Variants in PPP3CB observed in about 807,000 individuals in gnomAD.
The protein encoded by PPP3CB is serine/threonine-protein phosphatase 2B catalytic subunit beta isoform.
In PPP3CB, 8 loss-of-function variants were observed where a neutral mutation model predicts 66.4. The ratio of observed to expected loss-of-function variants is 0.12; its 90% CI spans 0.07 to 0.22. The LOEUF is 0.22. PPP3CB is among the 10% of genes least tolerant of loss of function. The pLI is 1.00. For missense variants in PPP3CB, 319 were observed against 642.5 expected (o/e 0.50, Z 5.44); for synonymous variants, 208 against 221.2 (o/e 0.94, Z 0.53).
In PPP3CB at chr10:73,467,524, CA is replaced by C. The variant is rs772780571; in HGVS notation, c.1108+28del. The stretch of plus-strand genomic sequence containing the variant: ...TGGAGTAAATGTAACAGTAATAAAA[CA>C]AATTTTTTTTAAAAATAAAAATTAT... On this transcript the variant is annotated intron_variant, in intron 9 of 13. Coordinates refer to ENST00000360663, the MANE Select transcript of PPP3CB (RefSeq NM_021132.4). The C allele has an allele frequency of 4.2e-5, 61 of 1,448,954 alleles. 2 individuals carry two copies. The South Asian group carries it at 8.0e-4, about 19-fold the overall frequency. The allele number at this position is 1,448,954 out of a possible 1,614,324, so 89.8% of individuals were successfully genotyped here.
intron 9 of PPP3CB, among the ~76,000 whole-genome samples, chr10:73,455,331 G>A (rs896511615): frequency 6.6e-6 from 1 of 151,770 alleles, no homozygotes; most frequent in Non-Finnish European, 1.5e-5. Flanking sequence ...CTTTTCCCTT[G>A]GTTCCCAAGA....
intron 4 of PPP3CB, among the ~76,000 whole-genome samples, chr10:73,474,409 A>T (rs1016971965): frequency 6.6e-6 from 1 of 151,976 alleles, no homozygotes; most frequent in Non-Finnish European, 1.5e-5. Flanking sequence ...AGTTAAACAT[A>T]ATAAGAAATT....
intron 12 of PPP3CB, chr10:73,444,291 T>C (rs1425474955): frequency 1.1e-5 from 3 of 273,152 alleles, no homozygotes; most frequent in Non-Finnish European, 2.0e-5. Context: ...GTTTTAAATA[T>C]AAGCATAGTC....
intron 1 of PPP3CB, among the ~76,000 whole-genome samples, chr10:73,494,560 G>A (rs1415755158): frequency 1.3e-5 from 2 of 151,920 alleles, no homozygotes; most frequent in Admixed American, 1.3e-4. Flanking sequence ...ATCCGAAAGT[G>A]CTGGGATTAC....
intron 9 of PPP3CB, among the ~76,000 whole-genome samples, chr10:73,455,230 A>G (rs1288907748): frequency 2.0e-5 from 3 of 152,112 alleles, no homozygotes; most frequent in African/African-American, 7.2e-5. Flanking sequence ...ATTTACTTCT[A>G]AAGATTACTA....
intron 12 of PPP3CB, 176 bp downstream of exon 12, chr10:73,444,549 G>C (rs1330121174): frequency 2.6e-6 from 4 of 1,537,600 alleles, no homozygotes; most frequent in Admixed American, 2.0e-5. Flanking sequence ...TCAGTTTTCT[G>C]CCCTGATCAG....
intron 10 of PPP3CB, chr10:73,448,547 A>AC: frequency 2.2e-6 from 1 of 445,718 alleles, no homozygotes; most frequent in Non-Finnish European, 4.6e-6. Flanking sequence ...CTAAATTTGC[A>AC]CAAGGCCCAA....
At chr10:73,446,806 C>A (rs1383708232) in intron 10 of PPP3CB, among the ~76,000 whole-genome samples, 1 of 152,082 alleles carries the variant, frequency 6.6e-6, no homozygotes. Flanking sequence ...AAGTAATCCA[C>A]AAACTTTAAT....
Position 73,478,418 on chromosome 10 carries a change from G to C in PPP3CB, c.411+81C>G, listed in dbSNP as rs1403186140. 1.0e-5 allele frequency: 13 copies of C among 1,291,820 alleles called. No homozygotes were observed. In the South Asian group the frequency reaches 1.7e-4, roughly 17 times the overall value. 80.0% of individuals were successfully genotyped at this position (1,291,820 alleles called of 1,614,324 possible). A position where few individuals can be genotyped will look rare whatever the true frequency, so the allele number is the denominator to read the frequency against. The stretch of plus-strand genomic sequence containing the variant: ...GAGTTATTAAAAAAACCTAACACAG[G>C]TACTTGTGAAAACTAGGATTAAGTG... On this transcript the variant is annotated intron_variant, in intron 3 of 13. Transcript: ENST00000360663.
chr10:73,447,868 C>T (rs894393119), intron 10 of PPP3CB, among the ~76,000 whole-genome samples: 6 of 151,164 alleles, frequency 4.0e-5, no homozygotes, highest in Admixed American at 2.6e-4. Context: ...TACCACAGCA[C>T]TCTAAACAGG....
rs749478232 is a variant in PPP3CB at position 73,471,223 on chromosome 10, AAAAG to A, written c.670-18_670-15del. On this transcript the variant is annotated splice_polypyrimidine_tract_variant and intron_variant, in intron 5 of 13. Transcript: ENST00000360663. ...GAATCTATCTAACTGTGAAAGAAAG[AAAAG>A]AAAGAACAGAAGTAACTCATCAAAA... The A allele has an allele frequency of 1.4e-5, 22 of 1,577,104 alleles. No individual in the cohort carries two copies. The African/African-American group carries it at 1.8e-4, about 13-fold the overall frequency.
At chr10:73,468,128 G>C (rs963749316) in intron 8 of PPP3CB, among the ~76,000 whole-genome samples, 10 of 151,836 alleles carry the variant, frequency 6.6e-5, no homozygotes, top group Admixed American at 4.6e-4. Flanking sequence ...TGGTAATAAA[G>C]CAAACAAAAA....
chr10:73,459,833 T>C (rs2056492128), intron 9 of PPP3CB, among the ~76,000 whole-genome samples: 1 of 152,096 alleles, frequency 6.6e-6, no homozygotes, highest in Admixed American at 6.6e-5. Context: ...TGACTGCTAA[T>C]GGGCACAGGG....
chr10:73,441,804 A>C (rs1168522893), intron 12 of PPP3CB, among the ~76,000 whole-genome samples: 1 of 152,240 alleles, frequency 6.6e-6, no homozygotes, highest in Non-Finnish European at 1.5e-5. Flanking sequence ...CATAAAATAA[A>C]GATGAACAGA....
At chr10:73,450,448 C>A (rs187700529) in intron 10 of PPP3CB, among the ~76,000 whole-genome samples, 2 of 152,114 alleles carry the variant, frequency 1.3e-5, no homozygotes, top group African/African-American at 4.8e-5. Context: ...AGTATCTATC[C>A]GAATCTCCTC....
At position 73,473,578 on chromosome 10, in the gene PPP3CB, C is replaced by T. The variant is rs1161209131; in HGVS notation, c.523+1341G>A. ...GCTAAGGCAGGAGAATACTTGAACC[C>T]GGGAGGAGGTTGCTGTGAGCCGAGA... is the stretch of plus-strand genomic sequence containing the variant. On this transcript the variant is annotated intron_variant, in intron 4 of 13. Transcript: ENST00000360663. Among the ~76,000 whole-genome samples the T allele has an allele frequency of 2.0e-5, 3 of 151,562 alleles. No homozygotes were observed. The East Asian group carries it at 5.8e-4, about 29-fold the overall frequency.
intron 10 of PPP3CB, among the ~76,000 whole-genome samples, chr10:73,452,202 T>C (rs1245364847): frequency 2.0e-5 from 3 of 152,208 alleles, no homozygotes; most frequent in African/African-American, 7.2e-5. Flanking sequence ...CAATAATTAC[T>C]TCAATTATTC....
At chr10:73,495,619 C>A in intron 1 of PPP3CB, 186 bp downstream of exon 1, 1 of 847,078 alleles carries the variant, frequency 1.2e-6, no homozygotes. Context: ...AACCGGGAGA[C>A]CGCGGAACCA....
In PPP3CB at chr10:73,485,953, T is replaced by TA. The variant is rs577772189; in HGVS notation, c.86-6437_86-6436insT. Among the ~76,000 whole-genome samples, 145 of 140,530 alleles carry TA rather than the reference T, an allele frequency of 1.0e-3. 5 individuals are homozygous for TA. In the South Asian group the frequency reaches 0.024, roughly 24 times the overall value. 92.2% of individuals were successfully genotyped at this position (140,530 alleles called of 152,430 possible). On this transcript the variant is annotated intron_variant, in intron 1 of 13. Transcript: ENST00000360663. ...GTGTGTGTGTGTGTGTGTGTGTGTA[T>TA]TTTTTTTTTTCAGATGCAGTCTTGC... is the stretch of plus-strand genomic sequence containing the variant.
Sources: allele counts gnomAD v4.1 joint callset (sites outside exome capture counted in the v4.1 genomes callset), GRCh38; gene constraint gnomAD v4.1.1; transcripts MANE v1.5; gene names NCBI Gene and HGNC (gene_info 2026-07-23, HGNC 2026-07-21).